Variants in NUS1 observed in about 807,000 individuals in gnomAD.
NUS1 encodes the protein dehydrodolichyl diphosphate synthase complex subunit NUS1.
For missense variants in NUS1, 292 were observed against 382.9 expected (o/e 0.76, Z 1.98); for synonymous variants, 135 against 155.2 (o/e 0.87, Z 0.97).
At chr6:117,701,006 A>C (rs1436636231) in intron 3 of NUS1, among the ~76,000 whole-genome samples, 2 of 119,634 alleles carry the variant, frequency 1.7e-5, no homozygotes, top group African/African-American at 8.8e-5. Flanking sequence ...ACTGTGTACA[A>C]AAAAAAAAAT....
intron 1 of NUS1, among the ~76,000 whole-genome samples, chr6:117,683,192 A>G (rs1773087403): frequency 6.6e-6 from 1 of 152,230 alleles, no homozygotes; most frequent in Non-Finnish European, 1.5e-5. Flanking sequence ...CTGACAAGCT[A>G]GGACTTAAAT....
rs558587973 is a variant in NUS1, at chr6:117,710,056, A to G, written c.*3041A>G. 6.6e-6 allele frequency: 1 copy of G among 152,274 alleles called. No individual in the cohort carries two copies. Among genetic ancestry groups the G allele is most frequent in the African/African-American group, 2.4e-5 (1 of 41,584 alleles). 9.4% of individuals were successfully genotyped at this position (152,274 alleles called of 1,614,324 possible). A position where few individuals can be genotyped will look rare whatever the true frequency, so the allele number is the denominator to read the frequency against. On this transcript the variant is annotated 3_prime_UTR_variant, in exon 5 of 5. Transcript: ENST00000368494. ...CCATTGCTGGAGTTGTCAAAATTCC[A>G]CAGTAATTAAAATTTGAATTTTTAC...
In NUS1 at chr6:117,701,540, G is replaced by T. The variant is rs149188191; in HGVS notation, c.692-2065G>T. On this transcript the variant is annotated intron_variant, in intron 3 of 4. Coordinates refer to ENST00000368494, the MANE Select transcript of NUS1 (RefSeq NM_138459.5). ...ATTACAGGCGTGAGCCACCACGCCC[G>T]GCCGGGTTCTAATTTTCTTAAATAA... Among the ~76,000 whole-genome samples the T allele has an allele frequency of 1.0e-3, 152 of 152,134 alleles. No homozygotes were observed. In the East Asian group the frequency reaches 0.015, roughly 15 times the overall value.
chr6:117,695,193 CAAAAAAA>C (rs58136219), intron 3 of NUS1, among the ~76,000 whole-genome samples: 82 of 55,234 alleles, frequency 1.5e-3, no homozygotes, highest in African/African-American at 5.8e-3. Context: ...GACCCTGTCT[CAAAAAAA>C]AAAAAAAAAA....
At chr6:117,694,815 T>G (rs1024900607) in intron 3 of NUS1, among the ~76,000 whole-genome samples, 3 of 152,160 alleles carry the variant, frequency 2.0e-5, no homozygotes, top group African/African-American at 4.8e-5. Context: ...TCTAGTAAAT[T>G]CATGTTCATT....
chr6:117,686,594 T>C (rs915238857), intron 1 of NUS1, among the ~76,000 whole-genome samples: 1 of 152,192 alleles, frequency 6.6e-6, no homozygotes, highest in South Asian at 2.1e-4. Flanking sequence ...TTCTTAAAAA[T>C]TTGAGTATTT....
intron 4 of NUS1, among the ~76,000 whole-genome samples, chr6:117,705,751 G>A (rs1773491493): frequency 6.6e-6 from 1 of 152,070 alleles, no homozygotes; most frequent in Non-Finnish European, 1.5e-5. Context: ...GTAAGATGAG[G>A]AAGACTTAGG....
At chr6:117,681,759 A>G (rs1019740103) in intron 1 of NUS1, among the ~76,000 whole-genome samples, 1 of 152,166 alleles carries the variant, frequency 6.6e-6, no homozygotes, top group African/African-American at 2.4e-5. Flanking sequence ...GTACAGTTTC[A>G]CATTTATCTT....
At chr6:117,706,621 T>C (rs1773504529) in intron 4 of NUS1, among the ~76,000 whole-genome samples, 1 of 152,198 alleles carries the variant, frequency 6.6e-6, no homozygotes, top group Admixed American at 6.5e-5. Context: ...ATTCTGCTTA[T>C]AATTTACCCT....
intron 1 of NUS1, among the ~76,000 whole-genome samples, chr6:117,687,775 G>A (rs1773161553): frequency 6.6e-6 from 1 of 152,218 alleles, no homozygotes; most frequent in Non-Finnish European, 1.5e-5. Flanking sequence ...ATGTTGGGCT[G>A]AGCAGTTCGT....
intron 1 of NUS1, among the ~76,000 whole-genome samples, chr6:117,685,964 T>TA (rs374609117): frequency 0.039 from 4,025 of 104,168 alleles, 67 homozygotes; most frequent in Non-Finnish European, 0.055. Context: ...TCCGTCTCAT[T>TA]AAAAAAAAAA....
chr6:117,678,279 T>C (rs1773012108), intron 1 of NUS1, among the ~76,000 whole-genome samples: 1 of 152,192 alleles, frequency 6.6e-6, no homozygotes, highest in South Asian at 2.1e-4. Context: ...ATAAGAAATA[T>C]TCCTGAAATA....
rs1487914110 is a variant in NUS1, at chr6:117,708,009, G to A, written c.*994G>A. The A allele has an allele frequency of 2.0e-5, 3 of 151,914 alleles. No homozygotes were observed. In the East Asian group the frequency reaches 5.8e-4, roughly 30 times the overall value. 9.4% of individuals were successfully genotyped at this position (151,914 alleles called of 1,614,324 possible). On this transcript the variant is annotated 3_prime_UTR_variant, in exon 5 of 5. Coordinates refer to ENST00000368494, the MANE Select transcript of NUS1 (RefSeq NM_138459.5). ...TTTTTATTTAAAATAAACATTTGAG[G>A]GAAGTTACCAAGGCAGCTTTTTTCC...
rs1772973502 is a variant in NUS1 at position 117,676,008 on chromosome 6, G to A, written c.338G>A (p.Ser113Asn). The A allele has an allele frequency of 6.5e-7, 1 of 1,549,616 alleles. No individual in the cohort carries two copies. The change falls in exon 1 of 5, where the codon AGC (serine) becomes AAC (asparagine). Residue 113 changes from serine to asparagine, a missense_variant. By Grantham distance (46) the Ser-to-Asn change is conservative (BLOSUM62 1). Transcript: ENST00000368494. ...ATCACCGAGGTGGAGCAGGAACCCAGCTTCTCGGACATCGCGAGCCTCGTG... is the reference window on the plus strand; with the variant it reads ...ATCACCGAGGTGGAGCAGGAACCCAACTTCTCGGACATCGCGAGCCTCGTG... ...LVITEVEQEP[S>N]FSDIASLVVW...
intron 3 of NUS1, among the ~76,000 whole-genome samples, 166 bp from the exon 4 acceptor site, chr6:117,703,439 G>A (rs1320984710): frequency 6.6e-6 from 1 of 152,194 alleles, no homozygotes; most frequent in African/African-American, 2.4e-5. Context: ...GTATTACAGA[G>A]TTGGGGGTGG....
chr6:117,678,562 G>T (rs1388363204), intron 1 of NUS1, among the ~76,000 whole-genome samples: 5 of 152,264 alleles, frequency 3.3e-5, no homozygotes, highest in Admixed American at 3.3e-4. Context: ...TAAATAGGGA[G>T]GCCAAGGAGA....
In NUS1 at chr6:117,675,527, G is replaced by T. The variant is rs995207809; in HGVS notation, c.-144G>T. 1.6e-4 allele frequency: 124 copies of T among 762,750 alleles called. No individual in the cohort carries two copies. Among genetic ancestry groups the T allele is most frequent in the Non-Finnish European group, 2.4e-4 (115 of 474,074 alleles). The allele number at this position is 762,750 out of a possible 1,614,324, so 47.2% of individuals were successfully genotyped here. ...GAAGATGGCGGCGGGGGCGAGGTGA[G>T]GTGTTGGCAGTGGAAAGGGGTTCGG... On this transcript the variant is annotated 5_prime_UTR_variant, in exon 1 of 5. In the 5' UTR this introduces an upstream ATG that the reference lacks. Transcript: ENST00000368494.
chr6:117,683,608 T>C (rs1268325262), intron 1 of NUS1, among the ~76,000 whole-genome samples: 1 of 152,192 alleles, frequency 6.6e-6, no homozygotes, highest in African/African-American at 2.4e-5. Context: ...AGTGAAGTGC[T>C]TAATAATGAG....
rs1053140 is a variant in NUS1 at position 117,708,608 on chromosome 6, C to G, written c.*1593C>G. 6.6e-6 allele frequency: 1 copy of G among 151,728 alleles called. No individual in the cohort carries two copies. Among genetic ancestry groups the G allele is most frequent in the South Asian group, 2.1e-4 (1 of 4,800 alleles). 9.4% of individuals were successfully genotyped at this position (151,728 alleles called of 1,614,324 possible). On this transcript the variant is annotated 3_prime_UTR_variant, in exon 5 of 5. Coordinates refer to ENST00000368494, the MANE Select transcript of NUS1 (RefSeq NM_138459.5). ...ACTAAATTTTGGTCCAGTGACATTACTTTGCACTGCATAATCCATTATACG... is the reference window on the plus strand; with the variant it reads ...ACTAAATTTTGGTCCAGTGACATTAGTTTGCACTGCATAATCCATTATACG...
Sources: gnomAD v4.1 joint callset for allele counts (sites outside exome capture counted in the v4.1 genomes callset) on GRCh38, gnomAD v4.1.1 for gene constraint, MANE v1.5 for transcripts, NCBI Gene and HGNC (gene_info 2026-07-23, HGNC 2026-07-21) for gene names.